The following VAV2 variants were observed in gnomAD, a reference collection of about 807,000 sequenced individuals.
VAV2 encodes guanine nucleotide exchange factor VAV2.
VAV2 carries 67 observed loss-of-function variants against 132.5 expected under a neutral mutation model. That is an observed-to-expected ratio of 0.51 (90% CI 0.42 to 0.62). The LOEUF (loss-of-function observed/expected upper bound fraction) is 0.62, where lower values mean the gene tolerates loss of function less well. VAV2 is among the 20% of genes least tolerant of loss of function. VAV2 has a pLI of 0.00. For synonymous variants in VAV2, 492 were observed against 443.5 expected, an observed-to-expected ratio of 1.11 and a Z score of -1.37; for missense variants, 938 against 1,153.6, an observed-to-expected ratio of 0.81 and a Z score of 2.71.
At chr9:133,847,371 A>G (rs895505413) in intron 3 of VAV2, among the ~76,000 whole-genome samples, 2 of 152,052 alleles carry the variant, frequency 1.3e-5, no homozygotes, top group African/African-American at 4.8e-5. Flanking sequence ...GAGCAGCCCC[A>G]CCTCCGGGAG....
In VAV2 at chr9:133,769,483, A is replaced by C; in HGVS notation, c.2368T>G (p.Phe790Val). The C allele has an allele frequency of 6.2e-7, 1 of 1,612,712 alleles. No individual in the cohort carries two copies. The highest frequency in any genetic ancestry group is 8.5e-7 in the Non-Finnish European group (1 of 1,179,384). Residue 790 changes from phenylalanine (F) to valine (V), a missense_variant, in exon 28 of 30, where the codon TTT (phenylalanine) becomes GTT (valine). Physicochemically the swap from Phe to Val is conservative, Grantham distance 50. Transcript: ENST00000371850. The surrounding 1 kb of genome is among the most constrained non-coding windows in gnomAD (Gnocchi z 8.1). The part of the protein sequence containing the change: ...RSPASCASYN[F>V]SFLSPQGLSF... ...AGGCCCTGAGGACTGAGAAAAGAAA[A>C]GTTGTAGGAAGCACAGGAAGCTGCA... is the stretch of plus-strand genomic sequence containing the variant.
intron 2 of VAV2, among the ~76,000 whole-genome samples, chr9:133,900,604 G>C (rs10821534): frequency 0.15 from 23,227 of 152,036 alleles, 1,915 homozygotes; most frequent in South Asian, 0.2. Context: ...GCTCAGAGAG[G>C]CCAGTAAGAA....
At chr9:133,818,330 C>T (rs1390641556) in intron 4 of VAV2, among the ~76,000 whole-genome samples, 1 of 148,842 alleles carries the variant, frequency 6.7e-6, no homozygotes, top group Non-Finnish European at 1.5e-5. Flanking sequence ...CGCGCCACTG[C>T]ACTCCAGCCT....
chr9:133,789,947 C>T (rs1834385857), intron 13 of VAV2, among the ~76,000 whole-genome samples: 1 of 152,250 alleles, frequency 6.6e-6, no homozygotes, highest in Admixed American at 6.5e-5. Flanking sequence ...AAGACACGAA[C>T]AGGGCCCTGC....
rs556983473 is a variant in VAV2 at position 133,902,846 on chromosome 9, TG to T, written c.321+36256del. 1.1e-4 allele frequency among the ~76,000 whole-genome samples: 17 copies of T among 152,086 alleles called. No individual in the cohort carries two copies. The East Asian group carries it at 2.9e-3, about 26-fold the overall frequency. On this transcript the variant is annotated intron_variant, in intron 2 of 29. Transcript: ENST00000371850. Reference sequence around the variant, plus strand: ...CAGCACTTTGGGAGGCCAAGACAGGTGGATGGATCACTTGAGGTCAGGAGTT... The same window carrying T: ...CAGCACTTTGGGAGGCCAAGACAGGTGATGGATCACTTGAGGTCAGGAGTT...
At chr9:133,839,323 G>A (rs1379068864) in intron 3 of VAV2, among the ~76,000 whole-genome samples, 2 of 151,916 alleles carry the variant, frequency 1.3e-5, no homozygotes, top group Non-Finnish European at 2.9e-5. Context: ...GTGGATGGAT[G>A]AACAAATGAG....
chr9:133,878,318 C>T (rs1838347272), intron 2 of VAV2, among the ~76,000 whole-genome samples: 1 of 152,192 alleles, frequency 6.6e-6, no homozygotes, highest in Non-Finnish European at 1.5e-5. Context: ...ACAGAGCCAA[C>T]TGCGACCCAA....
chr9:133,958,020 G>A (rs1395747699), intron 1 of VAV2, among the ~76,000 whole-genome samples: 1 of 140,114 alleles, frequency 7.1e-6, no homozygotes, highest in African/African-American at 2.5e-5. Context: ...CTCGTTAAGA[G>A]TCATCACCAC....
At chr9:133,891,883 G>A (rs1048793935) in intron 2 of VAV2, among the ~76,000 whole-genome samples, 4 of 126,242 alleles carry the variant, frequency 3.2e-5, no homozygotes, top group Non-Finnish European at 5.1e-5. Flanking sequence ...CATGGGGATG[G>A]AGTTGGGAGA....
intron 1 of VAV2, among the ~76,000 whole-genome samples, chr9:133,965,486 G>A (rs1289078375): frequency 3.4e-5 from 4 of 116,630 alleles, no homozygotes; most frequent in Non-Finnish European, 6.9e-5. Flanking sequence ...ATGACAGAGC[G>A]AGACTGTCAA....
intron 3 of VAV2, among the ~76,000 whole-genome samples, chr9:133,839,184 G>A (rs1007696500): frequency 6.6e-6 from 1 of 152,154 alleles, no homozygotes; most frequent in East Asian, 1.9e-4. Flanking sequence ...GGGTGGGTAA[G>A]TAGGTAAGTG....
intron 2 of VAV2, among the ~76,000 whole-genome samples, chr9:133,923,120 T>C (rs1377265928): frequency 6.6e-6 from 1 of 152,108 alleles, no homozygotes; most frequent in Non-Finnish European, 1.5e-5. Flanking sequence ...CATTCGGGGA[T>C]ACAAAGCAAA....
intron 2 of VAV2, among the ~76,000 whole-genome samples, chr9:133,880,695 T>C (rs1266717807): frequency 1.3e-5 from 2 of 152,326 alleles, no homozygotes; most frequent in East Asian, 3.9e-4. Context: ...CACTGGTTCA[T>C]TCATTGTAAC....
chr9:133,895,652 GA>G (rs1839170093), intron 2 of VAV2, among the ~76,000 whole-genome samples: 1 of 152,062 alleles, frequency 6.6e-6, no homozygotes, highest in Non-Finnish European at 1.5e-5. Context: ...ATTTGGGGGG[GA>G]TGAGGAGTTA....
At chr9:133,952,473 C>T (rs1841592893) in intron 1 of VAV2, among the ~76,000 whole-genome samples, 1 of 151,812 alleles carries the variant, frequency 6.6e-6, no homozygotes, top group Non-Finnish European at 1.5e-5. Flanking sequence ...CATGGTGGCA[C>T]GCACCTGTAA....
intron 21 of VAV2, among the ~76,000 whole-genome samples, 182 bp from the exon 22 acceptor site, chr9:133,779,071 A>G (rs920525056): frequency 1.3e-5 from 2 of 152,254 alleles, no homozygotes; most frequent in Non-Finnish European, 1.5e-5. Flanking sequence ...AAATATCATA[A>G]TTATTTATGC....
chr9:133,941,345 T>C (rs1841148348), intron 1 of VAV2, among the ~76,000 whole-genome samples: 1 of 151,242 alleles, frequency 6.6e-6, no homozygotes, highest in African/African-American at 2.4e-5. Flanking sequence ...GAAGCGGAGG[T>C]TGCAGTGAGC....
Position 133,794,250 on chromosome 9 carries a change from G to A in VAV2, c.1101+1418C>T, listed in dbSNP as rs938771821. On this transcript the variant is annotated intron_variant, in intron 12 of 29. Transcript: ENST00000371850. This position sits in a 1 kb window ranked among gnomAD's most constrained non-coding sequence, Gnocchi z 4.6. The stretch of plus-strand genomic sequence containing the variant: ...GCCAGAGCAGGTGTTGGAGAGGGGC[G>A]GCTTGGGGGCTGCAGAGCTGACACC... 3.3e-5 allele frequency among the ~76,000 whole-genome samples: 5 copies of A among 152,104 alleles called. No homozygotes were observed. Among genetic ancestry groups the A allele is most frequent in the South Asian group, 4.1e-4 (2 of 4,826 alleles).
rs2131562790 is a variant in VAV2, at chr9:133,768,618, A to G, written c.2435-22T>C. On this transcript the variant is annotated intron_variant, in intron 28 of 29. Coordinates refer to ENST00000371850, the MANE Select transcript of VAV2 (RefSeq NM_001134398.2). This position sits in a 1 kb window ranked among gnomAD's most constrained non-coding sequence, Gnocchi z 5.3. Reference sequence around the variant, plus strand: ...AACACTGTTGAGGGAGATGGGCAGCATCACACAGCTGCAGGAGGAGCCCAA... The same window carrying G: ...AACACTGTTGAGGGAGATGGGCAGCGTCACACAGCTGCAGGAGGAGCCCAA... The G allele has an allele frequency of 1.2e-6, 2 of 1,609,930 alleles. No individual in the cohort carries two copies. Among genetic ancestry groups the G allele is most frequent in the Non-Finnish European group, 1.7e-6 (2 of 1,178,138 alleles).
Sources: allele counts gnomAD v4.1 joint callset (sites outside exome capture counted in the v4.1 genomes callset), GRCh38; gene constraint gnomAD v4.1.1; non-coding constraint Gnocchi (gnomAD v3.1); transcripts MANE v1.5; gene names NCBI Gene and HGNC (gene_info 2026-07-23, HGNC 2026-07-21).